C19orf47: variants seen among roughly 807,000 people sequenced by gnomAD.
C19orf47 encodes the protein chromosome 19 open reading frame 47.
A neutral mutation model predicts 32.3 loss-of-function variants in C19orf47; 18 were observed. The ratio of observed to expected loss-of-function variants is 0.56; its 90% CI spans 0.39 to 0.83. The LOEUF (loss-of-function observed/expected upper bound fraction) is 0.83, where lower values mean the gene tolerates loss of function less well. Among genes scored for constraint, C19orf47 ranks in the 40% least tolerant of loss-of-function variants. The pLI, the probability that C19orf47 is intolerant of heterozygous loss-of-function variation, is 0.00. For synonymous variants in C19orf47, 202 were observed against 211.1 expected (o/e 0.96, Z 0.37); for missense variants, 484 against 531.6 (o/e 0.91, Z 0.88).
downstream of C19orf47, among the ~76,000 whole-genome samples, chr19:40,317,813 G>A (rs1454184070): frequency 1.3e-5 from 2 of 151,118 alleles, no homozygotes; most frequent in South Asian, 2.1e-4. Context: ...TCCGCCTCCT[G>A]GGTTCAAGTG....
At position 40,328,493 on chromosome 19, in the gene C19orf47, G is replaced by T. The variant is rs775117745; in HGVS notation, c.359C>A (p.Pro120His). ...GGAGGTGCTGGTGTCCGGGCGCCTG[G>T]GGGGTGTGCTGGGTGGAGAGTCATG... ...LNHDSPPSTPPRRPDTSTSKI... is the reference protein window; with the variant it reads ...LNHDSPPSTPHRRPDTSTSKI... The change falls in exon 6 of 9, where the codon CCC (proline) becomes CAC (histidine). Residue 120 changes from proline to histidine, a missense_variant. Physicochemically the swap from Pro to His is moderately conservative, Grantham distance 77. Transcript: ENST00000683109. The T allele has an allele frequency of 2.6e-5, 42 of 1,612,060 alleles. No individual in the cohort carries two copies. The highest frequency in any genetic ancestry group is 3.6e-5 in the Non-Finnish European group (42 of 1,179,156).
chr19:40,317,687 A>G (rs925141133), downstream of C19orf47, among the ~76,000 whole-genome samples: 6 of 150,646 alleles, frequency 4.0e-5, no homozygotes, highest in South Asian at 2.1e-4. Flanking sequence ...ACATCTACAC[A>G]TGGACAACTC....
chr19:40,331,635 T>C (rs914806112), intron 5 of C19orf47, among the ~76,000 whole-genome samples: 13 of 151,928 alleles, frequency 8.6e-5, no homozygotes, highest in Non-Finnish European at 1.9e-4. Context: ...GAGACTCCCA[T>C]CTCAAAAAAT....
At position 40,321,599 on chromosome 19, in the gene C19orf47, G is replaced by C. The variant is rs1283664307; in HGVS notation, c.*283C>G. ...GAGAGGAAGAAGCCCCCTGGCACTT[G>C]GGAGAGGTAGAAAAGTGGGTTCTGC... On this transcript the variant is annotated 3_prime_UTR_variant, in exon 9 of 9. Transcript: ENST00000683109. The C allele has an allele frequency of 8.2e-7, 1 of 1,213,828 alleles. No individual in the cohort carries two copies. The highest frequency in any genetic ancestry group is 1.0e-6 in the Non-Finnish European group (1 of 972,622). The allele number at this position is 1,213,828 out of a possible 1,614,324, so 75.2% of individuals were successfully genotyped here. A position where few individuals can be genotyped will look rare whatever the true frequency, so the allele number is the denominator to read the frequency against.
intron 1 of C19orf47, 82 bp downstream of exon 1, chr19:40,348,242 C>A: frequency 3.1e-6 from 3 of 976,622 alleles, no homozygotes; most frequent in Non-Finnish European, 4.1e-6. Flanking sequence ...TACAACGGAG[C>A]CCGAACTGAG....
chr19:40,338,627 C>A (rs760427026), intron 2 of C19orf47, among the ~76,000 whole-genome samples: 1 of 152,116 alleles, frequency 6.6e-6, no homozygotes, highest in Non-Finnish European at 1.5e-5. Flanking sequence ...GTGTGATCCA[C>A]ATGCCCTGGC....
downstream of C19orf47, among the ~76,000 whole-genome samples, chr19:40,317,525 C>T (rs2077670333): frequency 6.6e-6 from 1 of 151,950 alleles, no homozygotes; most frequent in Admixed American, 6.6e-5. Flanking sequence ...GGAGAACTGC[C>T]AAGTCAAATG....
At chr19:40,309,266 A>G in the C19orf47 span, among the ~76,000 whole-genome samples, 1 of 146,676 alleles carries the variant, frequency 6.8e-6, no homozygotes, top group East Asian at 2.0e-4. Flanking sequence ...GTCTCAGCTC[A>G]CTACAACCTC....
chr19:40,333,087 G>A (rs1319125037), intron 5 of C19orf47, among the ~76,000 whole-genome samples: 9 of 151,610 alleles, frequency 5.9e-5, no homozygotes, highest in Non-Finnish European at 1.0e-4. Flanking sequence ...GTGAAACCCC[G>A]TCTCTACTAA....
chr19:40,323,931 G>T, intron 8 of C19orf47, 75 bp downstream of exon 8: 1 of 1,568,080 alleles, frequency 6.4e-7, no homozygotes, highest in Non-Finnish European at 8.8e-7. Flanking sequence ...GTTGAGATGT[G>T]TTAAAGAGTC....
chr19:40,302,284 A>G, the C19orf47 span, among the ~76,000 whole-genome samples: 1 of 152,284 alleles, frequency 6.6e-6, no homozygotes, highest in African/African-American at 2.4e-5. Flanking sequence ...TTTTTCCTTG[A>G]AACAGGGTCT....
At chr19:40,331,879 A>G (rs1055985752) in intron 5 of C19orf47, among the ~76,000 whole-genome samples, 1 of 151,838 alleles carries the variant, frequency 6.6e-6, no homozygotes, top group South Asian at 2.1e-4. Flanking sequence ...TCTACTAAAA[A>G]TAACAAAAAT....
chr19:40,321,843 C>A lies in C19orf47; in HGVS notation c.*39G>T. On this transcript the variant is annotated 3_prime_UTR_variant, in exon 9 of 9. Transcript: ENST00000683109. ...GAGCCTGGGGCGGCCAGGGCAGATG[C>A]CCGCAGGCTCTGCTGCCTGCACCCC... 1 of 1,495,936 alleles carries A rather than the reference C, an allele frequency of 6.7e-7. No homozygotes were observed. Among genetic ancestry groups the A allele is most frequent in the African/African-American group, 1.4e-5 (1 of 71,348 alleles). 92.7% of individuals were successfully genotyped at this position (1,495,936 alleles called of 1,614,324 possible). A position where few individuals can be genotyped will look rare whatever the true frequency, so the allele number is the denominator to read the frequency against.
intron 5 of C19orf47, among the ~76,000 whole-genome samples, chr19:40,330,858 A>G (rs2077938091): frequency 6.6e-6 from 1 of 152,156 alleles, no homozygotes; most frequent in East Asian, 1.9e-4. Context: ...AAAGACTGGT[A>G]AAACTAATGT....
intron 2 of C19orf47, among the ~76,000 whole-genome samples, chr19:40,337,336 C>T (rs2078086132): frequency 8.0e-6 from 1 of 125,176 alleles, no homozygotes; most frequent in Admixed American, 8.4e-5. Flanking sequence ...TTACTCCCAT[C>T]ACCACTAAAC....
At chr19:40,311,578 C>T in the C19orf47 span, among the ~76,000 whole-genome samples, 7 of 151,912 alleles carry the variant, frequency 4.6e-5, no homozygotes, top group African/African-American at 1.7e-4. Context: ...AAAAAATAAA[C>T]ACAAGGAGCC....
intron 2 of C19orf47, among the ~76,000 whole-genome samples, chr19:40,340,114 C>T (rs750236594): frequency 1.5e-4 from 23 of 150,832 alleles, no homozygotes; most frequent in Admixed American, 9.3e-4. Context: ...ACAATATTCT[C>T]TTTTTTTTGA....
chr19:40,322,104 T>C lies in C19orf47; in HGVS notation c.936A>G (p.Lys312=). 1.9e-6 allele frequency: 3 copies of C among 1,614,174 alleles called. No homozygotes were observed. The highest frequency in any genetic ancestry group is 2.5e-6 in the Non-Finnish European group (3 of 1,180,028). The part of the protein sequence containing the change: ...GLERKPESLS[K]VSIIKRLGAA... ...CGCCCAGTCTCTTGATGATGCTGAC[T>C]TTAGACAAGGACTCCGGCTTCCTCT... The change falls in exon 9 of 9, where the codon AAA becomes AAG. Residue 312 remains lysine (K), a synonymous_variant. Transcript: ENST00000683109.
In C19orf47 at chr19:40,333,946, G is replaced by C. The variant is rs763045086; in HGVS notation, c.223-17C>G. On this transcript the variant is annotated splice_polypyrimidine_tract_variant and intron_variant, in intron 4 of 8. Coordinates refer to ENST00000683109, the MANE Select transcript of C19orf47 (RefSeq NM_001256441.2). The stretch of plus-strand genomic sequence containing the variant: ...GCACATGTCCTGTGAAAAAAGAACA[G>C]GCACCTGGGTCACCACAGAAGAATC... 3.2e-6 allele frequency: 5 copies of C among 1,547,866 alleles called. No individual in the cohort carries two copies. Among genetic ancestry groups the C allele is most frequent in the Non-Finnish European group, 4.4e-6 (5 of 1,143,966 alleles).
Sources: gnomAD v4.1 joint callset for allele counts (sites outside exome capture counted in the v4.1 genomes callset) on GRCh38, gnomAD v4.1.1 for gene constraint, MANE v1.5 for transcripts, NCBI Gene and HGNC (gene_info 2026-07-23, HGNC 2026-07-21) for gene names.